ERMP1: variants seen among roughly 807,000 people sequenced by gnomAD.
ERMP1 encodes endoplasmic reticulum metallopeptidase 1.
In ERMP1, 86 loss-of-function variants were observed where a neutral mutation model predicts 92.0. The observed-to-expected ratio is 0.93, with a 90% CI of 0.79 to 1.12. ERMP1 has a LOEUF of 1.12. Among genes scored for constraint, ERMP1 ranks in the 50% most tolerant of loss-of-function variants. The probability of loss-of-function intolerance (pLI) is 0.00; values close to 1 mark genes in which losing one functional copy is unlikely to be tolerated. For synonymous variants in ERMP1, 530 were observed against 412.8 expected, an observed-to-expected ratio of 1.28 and a Z score of -3.44; for missense variants, 1,342 against 1,116.3, an observed-to-expected ratio of 1.20 and a Z score of -2.88.
At chr9:5,866,538 A>G (rs1399859430) in intron 5 of ERMP1, among the ~76,000 whole-genome samples, 2 of 152,150 alleles carry the variant, frequency 1.3e-5, no homozygotes, top group Non-Finnish European at 2.9e-5. Context: ...TTGTACACAG[A>G]TTATCTCACC....
intron 4 of ERMP1, among the ~76,000 whole-genome samples, chr9:5,815,200 A>G (rs553659693): frequency 1.3e-5 from 2 of 152,268 alleles, no homozygotes; most frequent in South Asian, 4.1e-4. Flanking sequence ...CAAGATAAAT[A>G]TAAAGAAAAA....
chr9:5,822,272 T>C (rs994956366), intron 4 of ERMP1, among the ~76,000 whole-genome samples: 3 of 152,014 alleles, frequency 2.0e-5, no homozygotes, highest in African/African-American at 7.2e-5. Context: ...AATAAATATA[T>C]AGATATAGAT....
intron 6 of ERMP1, among the ~76,000 whole-genome samples, chr9:5,854,107 G>C (rs1830342947): frequency 6.6e-6 from 1 of 151,830 alleles, no homozygotes; most frequent in South Asian, 2.1e-4. Flanking sequence ...AAAGGGGTTT[G>C]GGCTCCCCAC....
At chr9:5,799,524 AAAAC>A (rs1383142059) in intron 11 of ERMP1, among the ~76,000 whole-genome samples, 5 of 152,036 alleles carry the variant, frequency 3.3e-5, no homozygotes, top group Non-Finnish European at 7.3e-5. Flanking sequence ...AATCAGGAAA[AAAAC>A]AAACAAAAAA....
chr9:5,832,594 C>T, intron 1 of ERMP1, 96 bp downstream of exon 1: 1 of 1,014,454 alleles, frequency 9.9e-7, no homozygotes, highest in Middle Eastern at 3.3e-4. Context: ...TCCCAGCGGT[C>T]CGGCAGGGGC....
chr9:5,842,597 CTTA>C (rs1165328002), intron 6 of ERMP1, among the ~76,000 whole-genome samples: 5 of 152,130 alleles, frequency 3.3e-5, no homozygotes, highest in Non-Finnish European at 7.3e-5. Flanking sequence ...CAGAAACAAA[CTTA>C]TTAATTGTAT....
intron 6 of ERMP1, among the ~76,000 whole-genome samples, chr9:5,840,394 T>G (rs911692015): frequency 6.6e-6 from 1 of 152,124 alleles, no homozygotes; most frequent in Non-Finnish European, 1.5e-5. Flanking sequence ...AATCATGCCA[T>G]AGCCAAGGGT....
chr9:5,799,510 T>A (rs1828584327), intron 11 of ERMP1, among the ~76,000 whole-genome samples: 1 of 151,864 alleles, frequency 6.6e-6, no homozygotes, highest in Non-Finnish European at 1.5e-5. Flanking sequence ...GCCTGAAGAA[T>A]ACCAATCAGG....
chr9:5,852,548 AC>A (rs1413626066), intron 6 of ERMP1, among the ~76,000 whole-genome samples: 1 of 151,766 alleles, frequency 6.6e-6, no homozygotes, highest in Non-Finnish European at 1.5e-5. Flanking sequence ...GAACCACTGT[AC>A]CCCACCATAG....
chr9:5,858,290 A>G (rs1475793705), intron 6 of ERMP1, among the ~76,000 whole-genome samples: 1 of 152,230 alleles, frequency 6.6e-6, no homozygotes, highest in African/African-American at 2.4e-5. Flanking sequence ...TGATTATATT[A>G]CTAGTCCCAG....
In ERMP1 at chr9:5,787,307, A is replaced by G. The variant is rs1169863450; in HGVS notation, c.2552T>C (p.Val851Ala). Residue 851 changes from valine (V) to alanine (A), a missense_variant and splice_region_variant, in exon 15 of 15, where the codon GTT becomes GCT. Coordinates refer to ENST00000339450, the MANE Select transcript of ERMP1 (RefSeq NM_024896.3). The stretch of plus-strand genomic sequence containing the variant: ...CATTCCTTCAGGATGTTCTTCTGAA[A>G]CCTGCCAGAGAAAATCAATTAGTTC... ...SAWQFWIEVQ[V>A]SEEHPEGMVT... 6.2e-7 allele frequency: 1 copy of G among 1,611,698 alleles called. No homozygotes were observed. Among genetic ancestry groups the G allele is most frequent in the Admixed American group, 1.7e-5 (1 of 59,664 alleles).
chr9:5,862,221 G>T (rs1373845265), intron 5 of ERMP1, among the ~76,000 whole-genome samples: 1 of 149,730 alleles, frequency 6.7e-6, no homozygotes, highest in Non-Finnish European at 1.5e-5. Flanking sequence ...TTGTAGAGAT[G>T]GGATCCCCCT....
intron 6 of ERMP1, among the ~76,000 whole-genome samples, chr9:5,838,247 A>G (rs1394709081): frequency 6.6e-6 from 1 of 152,220 alleles, no homozygotes; most frequent in Non-Finnish European, 1.5e-5. Context: ...CAGGAGCCTT[A>G]AAAGAATTCA....
chr9:5,790,773 T>G (rs1828158040), intron 13 of ERMP1, among the ~76,000 whole-genome samples: 1 of 152,126 alleles, frequency 6.6e-6, no homozygotes, highest in African/African-American at 2.4e-5. Flanking sequence ...TAAAGAAAAC[T>G]ACAGGAGGCG....
chr9:5,822,419 G>A (rs563082098), intron 4 of ERMP1, among the ~76,000 whole-genome samples: 1 of 152,232 alleles, frequency 6.6e-6, no homozygotes, highest in Admixed American at 6.5e-5. Flanking sequence ...TCATGACCTT[G>A]AGAATCTCAA....
chr9:5,825,282 G>A, intron 2 of ERMP1, 63 bp from the exon 3 acceptor site: 2 of 1,507,020 alleles, frequency 1.3e-6, no homozygotes, highest in Non-Finnish European at 1.8e-6. Flanking sequence ...TGACCCATTA[G>A]GACTAGGAAT....
chr9:5,817,433 G>GC (rs1407826992), intron 4 of ERMP1, among the ~76,000 whole-genome samples: 1 of 152,070 alleles, frequency 6.6e-6, no homozygotes, highest in Non-Finnish European at 1.5e-5. Context: ...CAGGTGATCC[G>GC]CCCGCCTTGG....
At chr9:5,806,765 A>G (rs1828888372) in intron 8 of ERMP1, among the ~76,000 whole-genome samples, 1 of 152,192 alleles carries the variant, frequency 6.6e-6, no homozygotes, top group African/African-American at 2.4e-5. Flanking sequence ...ACATTTTAAC[A>G]TCTGCATGAG....
chr9:5,866,063 T>C (rs1830649833), intron 5 of ERMP1, among the ~76,000 whole-genome samples: 1 of 152,144 alleles, frequency 6.6e-6, no homozygotes, highest in African/African-American at 2.4e-5. Context: ...TTGTGAACAC[T>C]TTATCATTAT....
Sources: allele counts gnomAD v4.1 joint callset (sites outside exome capture counted in the v4.1 genomes callset), GRCh38; gene constraint gnomAD v4.1.1; transcripts MANE v1.5; gene names NCBI Gene and HGNC (gene_info 2026-07-23, HGNC 2026-07-21).